The following BTN2A2 variants were observed in gnomAD, a reference collection of about 807,000 sequenced individuals.
The protein encoded by BTN2A2 is butyrophilin 2.
A neutral mutation model predicts 34.7 loss-of-function variants in BTN2A2; 29 were observed. That is an observed-to-expected ratio of 0.84 (90% CI 0.62 to 1.14). The LOEUF is 1.14. Ranked by LOEUF, BTN2A2 falls within the 50% of genes most tolerant of loss-of-function variation. The pLI, the probability that BTN2A2 is intolerant of heterozygous loss-of-function variation, is 0.00. For missense variants in BTN2A2, 612 were observed against 651.5 expected (o/e 0.94, Z 0.66); for synonymous variants, 240 against 253.1 (o/e 0.95, Z 0.49).
At position 26,388,165 on chromosome 6, in the gene BTN2A2, G is replaced by A. The variant is rs201605260; in HGVS notation, c.595G>A (p.Ala199Thr). The A allele has an allele frequency of 8.7e-5, 140 of 1,614,192 alleles. No individual in the cohort carries two copies. The highest frequency in any genetic ancestry group is 1.1e-4 in the Non-Finnish European group (131 of 1,180,022). The change falls in exon 4 of 8, where the codon GCT (alanine) becomes ACT (threonine). Residue 199 changes from alanine to threonine, a missense_variant. By Grantham distance (58) the Ala-to-Thr change is moderately conservative. Transcript: ENST00000356709. ...GCCCGCCCTGAAGGAGGTTTCCATC[G>A]CTGATGCTGACGGCCTCTTCATGGT... Reference protein sequence around the residue: ...VVPALKEVSIADADGLFMVTT... With the variant: ...VVPALKEVSITDADGLFMVTT...
chr6:26,391,263 C>T (rs188943188), intron 7 of BTN2A2: 2 of 222,802 alleles, frequency 9.0e-6, no homozygotes, highest in Admixed American at 1.0e-4. Flanking sequence ...CCCCAGTAAG[C>T]CTGATGCAAT....
At position 26,394,361 on chromosome 6, in the gene BTN2A2, C is replaced by T; in HGVS notation, c.*1394C>T. The T allele has an allele frequency of 1.4e-6, 1 of 697,450 alleles. No individual in the cohort carries two copies. Among genetic ancestry groups the T allele is most frequent in the Non-Finnish European group, 2.6e-6 (1 of 383,036 alleles). 43.2% of individuals were successfully genotyped at this position (697,450 alleles called of 1,614,324 possible). Reference sequence around the variant, plus strand: ...GGTACAACATTATTTCTGGGTGTGTCTGTGAGTGTGTTTCCAGAAGAGATT... The same window carrying T: ...GGTACAACATTATTTCTGGGTGTGTTTGTGAGTGTGTTTCCAGAAGAGATT... On this transcript the variant is annotated 3_prime_UTR_variant, in exon 8 of 8. Transcript: ENST00000356709.
At chr6:26,390,864 T>C in intron 7 of BTN2A2, 35 bp downstream of exon 7, 1 of 1,613,488 alleles carries the variant, frequency 6.2e-7, no homozygotes, top group Non-Finnish European at 8.5e-7. Context: ...GATCTCAGCT[T>C]TCTCCCCACT....
At chr6:26,390,546 T>C (rs1442642723) in intron 5 of BTN2A2, 141 bp from the exon 6 acceptor site, 1 of 1,037,156 alleles carries the variant, frequency 9.6e-7, no homozygotes, top group African/African-American at 1.6e-5. Flanking sequence ...TCATTGCTGG[T>C]TTCTGACTGT....
chr6:26,385,221 A>C lies in BTN2A2; in HGVS notation c.301A>C (p.Thr101Pro), dbSNP rs1318885400. 1.2e-6 allele frequency: 2 copies of C among 1,614,024 alleles called. No homozygotes were observed. The highest frequency in any genetic ancestry group is 1.7e-6 in the Non-Finnish European group (2 of 1,180,010). The change falls in exon 3 of 8, where the codon ACC (threonine) becomes CCC (proline). Residue 101 changes from threonine (T) to proline (P), a missense_variant. By Grantham distance (38) the Thr-to-Pro change is conservative. Coordinates refer to ENST00000356709, the MANE Select transcript of BTN2A2 (RefSeq NM_006995.5). The stretch of plus-strand genomic sequence containing the variant: ...GATGGAGGAGTACCGGGGAAGAATC[A>C]CCTTTGTGAGCAAAGACATCAACAG... ...EQMEEYRGRI[T>P]FVSKDINRGS... is the part of the protein sequence containing the mutation.
intron 3 of BTN2A2, 128 bp downstream of exon 3, chr6:26,385,490 G>C: frequency 1.1e-6 from 1 of 926,266 alleles, no homozygotes; most frequent in Non-Finnish European, 1.6e-6. Flanking sequence ...CAGAGAAAGT[G>C]GCTTCCTCTT....
Position 26,383,863 on chromosome 6 carries a change from C to T in BTN2A2, c.42C>T (p.Ser14=). 2 of 1,596,494 alleles carry T rather than the reference C, an allele frequency of 1.3e-6. No homozygotes were observed. Among genetic ancestry groups the T allele is most frequent in the South Asian group, 1.1e-5 (1 of 90,250 alleles). Reference sequence around the variant, plus strand: ...CTCTGCACTTCTCCCTGCCAGCCTCCCTCCTCCTCCTCCTGCTCCTCCTCC... The same window carrying T: ...CTCTGCACTTCTCCCTGCCAGCCTCTCTCCTCCTCCTCCTGCTCCTCCTCC... ...AAALHFSLPA[S]LLLLLLLLLL... Residue 14 remains serine (S), a synonymous_variant, in exon 2 of 8, where the codon TCC becomes TCT. Transcript: ENST00000356709. This position sits in a 1 kb window ranked among gnomAD's most constrained non-coding sequence, Gnocchi z 4.4.
In BTN2A2 at chr6:26,392,553, G is replaced by A. The variant is rs1193758054; in HGVS notation, c.1158G>A (p.Val386=). Residue 386 remains valine (V), a synonymous_variant, in exon 8 of 8, where the codon GTG becomes GTA. Transcript: ENST00000356709. The part of the protein sequence containing the change: ...SFASGKHYWE[V]EVENVMVWTV... Reference sequence around the variant, plus strand: ...CCTCAGGGAAACATTACTGGGAGGTGGAGGTGGAAAACGTGATGGTGTGGA... The same window carrying A: ...CCTCAGGGAAACATTACTGGGAGGTAGAGGTGGAAAACGTGATGGTGTGGA... 1 of 1,614,222 alleles carries A rather than the reference G, an allele frequency of 6.2e-7. No individual in the cohort carries two copies. The highest frequency in any genetic ancestry group is 2.2e-5 in the East Asian group (1 of 44,878).
rs766498510 is a variant in BTN2A2, at chr6:26,392,879, T to C, written c.1484T>C (p.Ile495Thr). The stretch of plus-strand genomic sequence containing the variant: ...GGGTCTGATGACAGCCCCATCTTCA[T>C]CTGCCCTGCACTCACAGGAGCCAGT... ...RLGSDDSPIF[I>T]CPALTGASGV... The change falls in exon 8 of 8, where the codon ATC becomes ACC. Residue 495 changes from isoleucine to threonine, a missense_variant. Physicochemically the swap from Ile to Thr is moderately conservative, Grantham distance 89 (BLOSUM62 -1). Transcript: ENST00000356709. The C allele has an allele frequency of 6.2e-7, 1 of 1,614,202 alleles. No homozygotes were observed. Among genetic ancestry groups the C allele is most frequent in the South Asian group, 1.1e-5 (1 of 91,090 alleles).
intron 4 of BTN2A2, among the ~76,000 whole-genome samples, chr6:26,388,909 C>T (rs185460360): frequency 1.3e-5 from 2 of 152,214 alleles, no homozygotes; most frequent in East Asian, 1.9e-4. Flanking sequence ...ATCATGAGTT[C>T]GGGAGTTCAG....
intron 3 of BTN2A2, 70 bp from the exon 4 acceptor site, chr6:26,387,943 C>A: frequency 1.3e-6 from 2 of 1,488,456 alleles, no homozygotes; most frequent in Non-Finnish European, 1.8e-6. Context: ...TTTCTAGCAA[C>A]CATCCATCAA....
intron 4 of BTN2A2, among the ~76,000 whole-genome samples, 168 bp downstream of exon 4, chr6:26,388,462 T>A (rs1222306434): frequency 6.6e-6 from 1 of 152,106 alleles, no homozygotes; most frequent in Non-Finnish European, 1.5e-5. Flanking sequence ...CAAAGGGAGA[T>A]TCAAAGAGTC....
chr6:26,392,119 A>G, intron 7 of BTN2A2: 2 of 1,151,750 alleles, frequency 1.7e-6, no homozygotes, highest in Non-Finnish European at 2.4e-6. Context: ...ATTTTGGCTC[A>G]TTTCCTAAAC....
In BTN2A2 at chr6:26,392,538, A is replaced by G; in HGVS notation, c.1143A>G (p.Lys381=). 6.2e-7 allele frequency: 1 copy of G among 1,614,190 alleles called. No individual in the cohort carries two copies. Among genetic ancestry groups the G allele is most frequent in the Non-Finnish European group, 8.5e-7 (1 of 1,180,038 alleles). ...GATGGGAGAGCTTCGCCTCAGGGAAACATTACTGGGAGGTGGAGGTGGAAA... is the reference window on the plus strand; with the variant it reads ...GATGGGAGAGCTTCGCCTCAGGGAAGCATTACTGGGAGGTGGAGGTGGAAA... ...VLGWESFASG[K]HYWEVEVENV... is the part of the protein sequence containing the mutation. The change falls in exon 8 of 8, where the codon AAA becomes AAG. Residue 381 remains lysine, a synonymous_variant. Coordinates refer to ENST00000356709, the MANE Select transcript of BTN2A2 (RefSeq NM_006995.5).
chr6:26,393,009 C>T lies in BTN2A2; in HGVS notation c.*42C>T, dbSNP rs190569086. On this transcript the variant is annotated 3_prime_UTR_variant, in exon 8 of 8. Coordinates refer to ENST00000356709, the MANE Select transcript of BTN2A2 (RefSeq NM_006995.5). ...TCACAGCCATGCAGATAAGCCCTGG[C>T]CATCTCAGCAGCCACCGCACAACCC... 1.5e-4 allele frequency: 236 copies of T among 1,613,678 alleles called. No homozygotes were observed. Among genetic ancestry groups the T allele is most frequent in the Middle Eastern group, 1.7e-4 (1 of 6,058 alleles).
At chr6:26,390,628 T>C in intron 5 of BTN2A2, 59 bp from the exon 6 acceptor site, 2 of 1,610,882 alleles carry the variant, frequency 1.2e-6, no homozygotes, top group Non-Finnish European at 1.7e-6. Context: ...TAATACAAGC[T>C]CAATTTCTCT....
chr6:26,391,541 ACACAAT>A (rs1443175206), intron 7 of BTN2A2: 1 of 153,566 alleles, frequency 6.5e-6, no homozygotes, highest in African/African-American at 2.4e-5. Context: ...TCATTTTGGG[ACACAAT>A]CACAACTTGT....
chr6:26,388,351 A>G, intron 4 of BTN2A2, 57 bp downstream of exon 4: 1 of 1,587,300 alleles, frequency 6.3e-7, no homozygotes, highest in Non-Finnish European at 8.6e-7. Context: ...CAGCACCCAG[A>G]TGGAGCCCAG....
chr6:26,392,123 C>G, intron 7 of BTN2A2: 1 of 1,206,778 alleles, frequency 8.3e-7, no homozygotes, highest in Non-Finnish European at 1.2e-6. Flanking sequence ...TGGCTCATTT[C>G]CTAAACTCTC....
Sources: gnomAD v4.1 joint callset for allele counts (sites outside exome capture counted in the v4.1 genomes callset) on GRCh38, gnomAD v4.1.1 for gene constraint, Gnocchi (gnomAD v3.1) non-coding constraint, MANE v1.5 for transcripts, NCBI Gene and HGNC (gene_info 2026-07-23, HGNC 2026-07-21) for gene names.